The following STX7 variants were observed in gnomAD, a reference collection of about 807,000 sequenced individuals.
The protein encoded by STX7 is syntaxin-7.
In STX7, 34 loss-of-function variants were observed where a neutral mutation model predicts 39.6. The observed-to-expected ratio is 0.86, with a 90% CI of 0.65 to 1.14. The LOEUF (loss-of-function observed/expected upper bound fraction) is 1.14. STX7 is among the 50% of genes most tolerant of loss of function. STX7 has a pLI of 0.00. For missense variants in STX7, 284 were observed against 310.4 expected (o/e 0.92, Z 0.64); for synonymous variants, 119 against 99.1 (o/e 1.20, Z -1.19).
chr6:132,488,304 T>A (rs1233548152), intron 2 of STX7, among the ~76,000 whole-genome samples: 1 of 152,230 alleles, frequency 6.6e-6, no homozygotes, highest in Non-Finnish European at 1.5e-5. Flanking sequence ...ATGACAGGAA[T>A]AGAGTCTATC....
chr6:132,467,732 A>T (rs1460092491), intron 8 of STX7, among the ~76,000 whole-genome samples: 1 of 152,230 alleles, frequency 6.6e-6, no homozygotes, highest in Non-Finnish European at 1.5e-5. Context: ...TTTCAGTTGG[A>T]CCAAATTCAG....
At chr6:132,503,849 C>T (rs771854765) in intron 1 of STX7, among the ~76,000 whole-genome samples, 10 of 151,962 alleles carry the variant, frequency 6.6e-5, no homozygotes, top group Admixed American at 1.3e-4. Context: ...CGTCTTTGAT[C>T]TCTTCAAGAA....
intron 1 of STX7, 25 bp from the exon 2 acceptor site, chr6:132,503,613 A>T (rs551168594): frequency 1.8e-6 from 2 of 1,090,198 alleles, no homozygotes; most frequent in East Asian, 5.0e-5. Flanking sequence ...AGTCACACAG[A>T]TATATTTTTT....
intron 2 of STX7, among the ~76,000 whole-genome samples, chr6:132,490,742 G>A (rs1408685354): frequency 6.6e-6 from 1 of 152,084 alleles, no homozygotes; most frequent in Non-Finnish European, 1.5e-5. Context: ...GAAGCACCGG[G>A]GACTCTGCTG....
intron 7 of STX7, 111 bp from the exon 8 acceptor site, chr6:132,468,586 T>C (rs934941635): frequency 7.3e-5 from 46 of 628,968 alleles, no homozygotes; most frequent in Non-Finnish European, 1.0e-4. Flanking sequence ...AGCATGCATC[T>C]ATAATACACA....
At chr6:132,509,406 C>T (rs1271389461) in intron 1 of STX7, among the ~76,000 whole-genome samples, 2 of 149,772 alleles carry the variant, frequency 1.3e-5, no homozygotes, top group Non-Finnish European at 3.0e-5. Flanking sequence ...GAGCCAAGAT[C>T]ACGCCACTGC....
At chr6:132,463,614 CAAAA>C (rs921892043) in intron 9 of STX7, among the ~76,000 whole-genome samples, 21 of 151,940 alleles carry the variant, frequency 1.4e-4, no homozygotes, top group African/African-American at 4.6e-4. Flanking sequence ...GTGTCACTGA[CAAAA>C]AGAAAGAAAA....
chr6:132,498,975 G>A (rs770003798), intron 2 of STX7, among the ~76,000 whole-genome samples: 7 of 151,882 alleles, frequency 4.6e-5, no homozygotes, highest in Middle Eastern at 3.4e-3. Flanking sequence ...CTTCTTTCCC[G>A]CCCATTCTCT....
At chr6:132,470,541 C>G in intron 6 of STX7, 33 bp downstream of exon 6, 7 of 1,544,148 alleles carry the variant, frequency 4.5e-6, no homozygotes, top group Non-Finnish European at 6.2e-6. Context: ...GAAAAATTAC[C>G]TTTTGATCTG....
In STX7 at chr6:132,457,848, C is replaced by T. The variant is rs577337218; in HGVS notation, c.*2910G>A. On this transcript the variant is annotated 3_prime_UTR_variant, in exon 10 of 10. Coordinates refer to ENST00000367941, the MANE Select transcript of STX7 (RefSeq NM_003569.3). ...GTGAAAGAAATAAATTCAATTTTGA[C>T]TTTCAAAAAAAATAAATGCTGCATA... 4.6e-5 allele frequency: 7 copies of T among 152,194 alleles called. No homozygotes were observed. In the South Asian group the frequency reaches 1.2e-3, roughly 27 times the overall value. 9.4% of individuals were successfully genotyped at this position (152,194 alleles called of 1,614,324 possible). A position where few individuals can be genotyped will look rare whatever the true frequency, so the allele number is the denominator to read the frequency against.
rs1276681620 is a variant in STX7 at position 132,447,157 on chromosome 6, G to A, written c.*13601C>T. 1 of 152,172 alleles carries A rather than the reference G, an allele frequency of 6.6e-6. No individual in the cohort carries two copies. Among genetic ancestry groups the A allele is most frequent in the African/African-American group, 2.4e-5 (1 of 41,438 alleles). 9.4% of individuals were successfully genotyped at this position (152,172 alleles called of 1,614,324 possible). A position where few individuals can be genotyped will look rare whatever the true frequency, so the allele number is the denominator to read the frequency against. On this transcript the variant is annotated 3_prime_UTR_variant, in exon 10 of 10. Coordinates refer to ENST00000367941, the MANE Select transcript of STX7 (RefSeq NM_003569.3). ...TTTGTGCGTGTAACATTTGACACCA[G>A]GCTTTTAAGTAAAACACCCTAAGAT...
intron 3 of STX7, among the ~76,000 whole-genome samples, chr6:132,475,025 A>G (rs987067063): frequency 5.3e-5 from 8 of 152,182 alleles, no homozygotes; most frequent in Non-Finnish European, 8.8e-5. Context: ...TTGAGATACT[A>G]GAGTATAATT....
intron 2 of STX7, among the ~76,000 whole-genome samples, chr6:132,480,528 C>G (rs914389018): frequency 7.9e-5 from 12 of 152,168 alleles, no homozygotes; most frequent in Non-Finnish European, 1.8e-4. Context: ...ATCACGTTTT[C>G]AAGACTACAA....
At position 132,460,583 on chromosome 6, in the gene STX7, A is replaced by G. The variant is rs1774365598; in HGVS notation, c.*175T>C. The G allele has an allele frequency of 3.3e-5, 15 of 449,046 alleles. No homozygotes were observed. Among genetic ancestry groups the G allele is most frequent in the Non-Finnish European group, 5.8e-5 (15 of 257,820 alleles). The allele number at this position is 449,046 out of a possible 1,614,324, so 27.8% of individuals were successfully genotyped here. A position where few individuals can be genotyped will look rare whatever the true frequency, so the allele number is the denominator to read the frequency against. On this transcript the variant is annotated 3_prime_UTR_variant, in exon 10 of 10. Transcript: ENST00000367941. The stretch of plus-strand genomic sequence containing the variant: ...GACATTTAGAAAATCTTTCAGTATT[A>G]GAAAATATCAGATTTAATCCAAAGG...
chr6:132,461,669 T>G, intron 9 of STX7: 1 of 664,830 alleles, frequency 1.5e-6, no homozygotes, highest in Non-Finnish European at 2.4e-6. Flanking sequence ...TCCAAAATCA[T>G]TCTCATTCTT....
chr6:132,499,821 A>G (rs944899481), intron 2 of STX7, among the ~76,000 whole-genome samples: 2 of 152,188 alleles, frequency 1.3e-5, no homozygotes, highest in African/African-American at 4.8e-5. Context: ...TAGATGTTTG[A>G]TATCTCCACT....
chr6:132,450,004 A>G lies in STX7; in HGVS notation c.*10754T>C, dbSNP rs1774105777. Reference sequence around the variant, plus strand: ...TAGGACTACTTTAATGCTTTAAAGCATTCCTGGTTTTATGAAGGAATCTTA... The same window carrying G: ...TAGGACTACTTTAATGCTTTAAAGCGTTCCTGGTTTTATGAAGGAATCTTA... On this transcript the variant is annotated 3_prime_UTR_variant, in exon 10 of 10. Coordinates refer to ENST00000367941, the MANE Select transcript of STX7 (RefSeq NM_003569.3). The G allele has an allele frequency of 6.6e-6, 1 of 152,178 alleles. No individual in the cohort carries two copies. The highest frequency in any genetic ancestry group is 2.1e-4 in the South Asian group (1 of 4,822). 9.4% of individuals were successfully genotyped at this position (152,178 alleles called of 1,614,324 possible). A position where few individuals can be genotyped will look rare whatever the true frequency, so the allele number is the denominator to read the frequency against.
At chr6:132,488,833 C>G (rs1296116065) in intron 2 of STX7, among the ~76,000 whole-genome samples, 1 of 152,034 alleles carries the variant, frequency 6.6e-6, no homozygotes, top group African/African-American at 2.4e-5. Context: ...AAGAAACAAA[C>G]TCTGTTTTAG....
In STX7 at chr6:132,455,533, G is replaced by C. The variant is rs1223698370; in HGVS notation, c.*5225C>G. ...GTCAACAAGTAGAGGTGTTGTGCGT[G>C]TAACGACTGGACAGGAAATCTGGTT... On this transcript the variant is annotated 3_prime_UTR_variant, in exon 10 of 10. Coordinates refer to ENST00000367941, the MANE Select transcript of STX7 (RefSeq NM_003569.3). 1 of 152,182 alleles carries C rather than the reference G, an allele frequency of 6.6e-6. No individual in the cohort carries two copies. Among genetic ancestry groups the C allele is most frequent in the Non-Finnish European group, 1.5e-5 (1 of 68,034 alleles). The allele number at this position is 152,182 out of a possible 1,614,324, so 9.4% of individuals were successfully genotyped here. A position where few individuals can be genotyped will look rare whatever the true frequency, so the allele number is the denominator to read the frequency against.
Sources: gnomAD v4.1 joint callset for allele counts (sites outside exome capture counted in the v4.1 genomes callset) on GRCh38, gnomAD v4.1.1 for gene constraint, MANE v1.5 for transcripts, NCBI Gene and HGNC (gene_info 2026-07-23, HGNC 2026-07-21) for gene names.